The following MYOCD variants were observed in gnomAD, a reference collection of about 807,000 sequenced individuals.
The protein encoded by MYOCD is myocardin.
In MYOCD, 32 loss-of-function variants were observed where a neutral mutation model predicts 96.1. The ratio of observed to expected loss-of-function variants is 0.33; its 90% CI spans 0.25 to 0.45. The LOEUF (loss-of-function observed/expected upper bound fraction) is 0.45. Among genes scored for constraint, MYOCD ranks in the 20% least tolerant of loss-of-function variants. The pLI is 1.00. For synonymous variants in MYOCD, 469 were observed against 469.0 expected (o/e 1.00, Z 0.00); for missense variants, 1,133 against 1,200.6 (o/e 0.94, Z 0.83).
At chr17:12,721,510 A>C (rs534603654) in intron 4 of MYOCD, among the ~76,000 whole-genome samples, 1 of 152,212 alleles carries the variant, frequency 6.6e-6, no homozygotes, top group East Asian at 1.9e-4. Context: ...GTGGGGAAGA[A>C]GTTCAAGGTG....
chr17:12,754,354 G>A (rs1010687662), intron 10 of MYOCD, among the ~76,000 whole-genome samples: 14 of 152,156 alleles, frequency 9.2e-5, no homozygotes, highest in African/African-American at 3.4e-4. Flanking sequence ...CGCCCGCCTT[G>A]GCCTCCCAAA....
intron 13 of MYOCD, chr17:12,762,112 T>C (rs2033194771): frequency 6.6e-6 from 1 of 152,220 alleles, no homozygotes; most frequent in South Asian, 2.1e-4. Context: ...ACCTCAGAAA[T>C]CTAAAGTGAA....
chr17:12,759,088 C>G (rs1291049619), intron 12 of MYOCD, among the ~76,000 whole-genome samples: 1 of 151,976 alleles, frequency 6.6e-6, no homozygotes, highest in East Asian at 1.9e-4. Context: ...AATTAATGAT[C>G]CCCTATTTCA....
chr17:12,697,782 C>T (rs2030850367), intron 1 of MYOCD, among the ~76,000 whole-genome samples: 2 of 152,038 alleles, frequency 1.3e-5, no homozygotes, highest in Middle Eastern at 3.4e-3. Context: ...TAAATTAATA[C>T]GAATTAGAAC....
intron 5 of MYOCD, among the ~76,000 whole-genome samples, chr17:12,733,521 C>T (rs888751368): frequency 6.6e-6 from 1 of 152,072 alleles, no homozygotes; most frequent in Non-Finnish European, 1.5e-5. Context: ...GGTCCTAGTT[C>T]AGTCTCAAAA....
Position 12,763,702 on chromosome 17 carries a change from C to A in MYOCD, c.*58C>A. On this transcript the variant is annotated 3_prime_UTR_variant, in exon 14 of 14. Coordinates refer to ENST00000425538, the MANE Select transcript of MYOCD (RefSeq NM_001146312.3). ...ATGGAGTTCCATGGGGGAAAGCACA[C>A]AGCCATACATACTTTACTGTCCAAA... 2 of 1,425,190 alleles carry A rather than the reference C, an allele frequency of 1.4e-6. No homozygotes were observed. The highest frequency in any genetic ancestry group is 1.9e-6 in the Non-Finnish European group (2 of 1,034,808). The allele number at this position is 1,425,190 out of a possible 1,614,324, so 88.3% of individuals were successfully genotyped here.
At chr17:12,694,138 A>C (rs1271805901) in intron 1 of MYOCD, among the ~76,000 whole-genome samples, 1 of 152,210 alleles carries the variant, frequency 6.6e-6, no homozygotes, top group African/African-American at 2.4e-5. Context: ...CCTTCTGCTC[A>C]AACAGTACTT....
intron 1 of MYOCD, among the ~76,000 whole-genome samples, chr17:12,679,342 A>G (rs906086998): frequency 4.6e-5 from 7 of 152,194 alleles, no homozygotes; most frequent in Non-Finnish European, 7.4e-5. Context: ...AATGAGGCAT[A>G]GGGATAGCAA....
At chr17:12,757,930 C>T (rs1347704143) in intron 11 of MYOCD, among the ~76,000 whole-genome samples, 155 bp from the exon 12 acceptor site, 1 of 152,164 alleles carries the variant, frequency 6.6e-6, no homozygotes, top group Admixed American at 6.5e-5. Context: ...GCATTCACTA[C>T]TGTTAATATA....
intron 1 of MYOCD, among the ~76,000 whole-genome samples, chr17:12,684,584 T>G (rs1257189285): frequency 6.6e-6 from 1 of 152,138 alleles, no homozygotes; most frequent in Non-Finnish European, 1.5e-5. Flanking sequence ...CAGTGGCTCA[T>G]GCCTGTAATC....
chr17:12,732,310 T>A (rs1338642016), intron 5 of MYOCD, among the ~76,000 whole-genome samples: 1 of 152,140 alleles, frequency 6.6e-6, no homozygotes, highest in East Asian at 1.9e-4. Flanking sequence ...CCAAGCATGC[T>A]AATGGCCACT....
chr17:12,766,607 T>C lies in MYOCD; in HGVS notation c.*2963T>C, dbSNP rs2033345825. On this transcript the variant is annotated 3_prime_UTR_variant, in exon 14 of 14. Coordinates refer to ENST00000425538, the MANE Select transcript of MYOCD (RefSeq NM_001146312.3). ...TGAATTTGTCTCCCATTGAGAATTT[T>C]ATTTTAAATTCTTTTAAACTCTTCG... The C allele has an allele frequency of 6.6e-6, 1 of 152,214 alleles. No homozygotes were observed. Among genetic ancestry groups the C allele is most frequent in the African/African-American group, 2.4e-5 (1 of 41,452 alleles). 9.4% of individuals were successfully genotyped at this position (152,214 alleles called of 1,614,324 possible). A position where few individuals can be genotyped will look rare whatever the true frequency, so the allele number is the denominator to read the frequency against.
chr17:12,679,555 T>C (rs73299039), intron 1 of MYOCD, among the ~76,000 whole-genome samples: 18,796 of 152,172 alleles, frequency 0.12, 2,207 homozygotes, highest in African/African-American at 0.31. Flanking sequence ...CCTACATTTA[T>C]ATATATGTAT....
chr17:12,669,848 G>C (rs1909593789), intron 1 of MYOCD, among the ~76,000 whole-genome samples: 1 of 152,256 alleles, frequency 6.6e-6, no homozygotes, highest in African/African-American at 2.4e-5. Context: ...TCGATCTCTT[G>C]ACCAATCCGA....
intron 1 of MYOCD, among the ~76,000 whole-genome samples, chr17:12,679,233 T>C (rs1028273031): frequency 6.6e-5 from 10 of 152,174 alleles, no homozygotes; most frequent in Non-Finnish European, 1.5e-5. Context: ...TTTAACATGG[T>C]AGCCATCTGC....
chr17:12,751,290 T>C (rs1200964418), intron 9 of MYOCD, among the ~76,000 whole-genome samples: 1 of 151,336 alleles, frequency 6.6e-6, no homozygotes, highest in African/African-American at 2.4e-5. Context: ...TATATATGTA[T>C]ATATATATGT....
rs3050319 is a variant in MYOCD, at chr17:12,734,504, C to CT, written c.416-1633dup. Reference sequence around the variant, plus strand: ...CTGGCCCTCAGTAATACACATGATCCTTTTTTTTTTTTTTTTTTTTTTTTG... The same window carrying CT: ...CTGGCCCTCAGTAATACACATGATCCTTTTTTTTTTTTTTTTTTTTTTTTTG... On this transcript the variant is annotated intron_variant, in intron 5 of 13. Coordinates refer to ENST00000425538, the MANE Select transcript of MYOCD (RefSeq NM_001146312.3). Among the ~76,000 whole-genome samples, 632 of 65,434 alleles carry CT rather than the reference C, an allele frequency of 9.7e-3. 32 individuals are homozygous for CT. Among genetic ancestry groups the CT allele is most frequent in the African/African-American group, 0.023 (358 of 15,568 alleles). 42.9% of individuals were successfully genotyped at this position (65,434 alleles called of 152,430 possible). A position where few individuals can be genotyped will look rare whatever the true frequency, so the allele number is the denominator to read the frequency against.
intron 7 of MYOCD, 95 bp from the exon 8 acceptor site, chr17:12,744,088 G>A (rs1214646175): frequency 7.1e-7 from 1 of 1,411,138 alleles, no homozygotes; most frequent in African/African-American, 1.4e-5. Flanking sequence ...TCCAAGAATG[G>A]CCATCAGACA....
intron 1 of MYOCD, among the ~76,000 whole-genome samples, chr17:12,669,947 G>A (rs1014382760): frequency 2.0e-5 from 3 of 152,040 alleles, no homozygotes; most frequent in African/African-American, 4.8e-5. Context: ...TCCCCAAAAT[G>A]CAAAACTTGT....
Sources: allele counts gnomAD v4.1 joint callset (sites outside exome capture counted in the v4.1 genomes callset), GRCh38; gene constraint gnomAD v4.1.1; transcripts MANE v1.5; gene names NCBI Gene and HGNC (gene_info 2026-07-23, HGNC 2026-07-21).